Variants in CALN1 observed in about 807,000 individuals in gnomAD.
CALN1 encodes calneuron 1, also known as calcium-binding protein 8.
Under a neutral mutation model 30.6 loss-of-function variants are expected in CALN1, and 17 were observed. That is an observed-to-expected ratio of 0.56 (90% confidence interval 0.38 to 0.83). The LOEUF (loss-of-function observed/expected upper bound fraction) is 0.83, where lower values mean the gene tolerates loss of function less well. Among genes scored for constraint, CALN1 ranks in the 40% least tolerant of loss-of-function variants. The probability of loss-of-function intolerance (pLI) is 0.00; values close to 1 mark genes in which losing one functional copy is unlikely to be tolerated. For synonymous variants in CALN1, 156 were observed against 131.4 expected (o/e 1.19, Z -1.28); for missense variants, 291 against 354.9 (o/e 0.82, Z 1.45).
intron 3 of CALN1, among the ~76,000 whole-genome samples, chr7:72,122,976 G>T (rs771166462): frequency 5.9e-5 from 9 of 152,164 alleles, no homozygotes; most frequent in Non-Finnish European, 1.2e-4. Flanking sequence ...TAGCTATAGA[G>T]ACCACGGCAA....
chr7:71,808,683 T>C (rs1787762555), intron 6 of CALN1, among the ~76,000 whole-genome samples: 1 of 152,104 alleles, frequency 6.6e-6, no homozygotes, highest in Non-Finnish European at 1.5e-5. Flanking sequence ...GACATTTCCC[T>C]GAACAAAACA....
At chr7:72,184,375 C>T (rs975595150) in intron 3 of CALN1, among the ~76,000 whole-genome samples, 6 of 152,126 alleles carry the variant, frequency 3.9e-5, no homozygotes, top group African/African-American at 9.7e-5. Flanking sequence ...GTAATACTAC[C>T]CTCTCTCATG....
chr7:72,175,134 C>G (rs772890070), intron 3 of CALN1, among the ~76,000 whole-genome samples: 1 of 151,432 alleles, frequency 6.6e-6, no homozygotes, highest in African/African-American at 2.4e-5. Context: ...AGTGCAGTGG[C>G]GCAATCTCGG....
In CALN1 at chr7:71,886,405, G is replaced by A. The variant is rs566629207; in HGVS notation, c.502-75913C>T. On this transcript the variant is annotated intron_variant, in intron 5 of 6. Coordinates refer to ENST00000395275, the MANE Select transcript of CALN1 (RefSeq NM_031468.4). ...CACGCCCCCTTAGCATGTCACTCAC[G>A]TCTTTCTGTTGAAAGGAATCAGGAT... Among the ~76,000 whole-genome samples, 11 of 152,302 alleles carry A rather than the reference G, an allele frequency of 7.2e-5. No individual in the cohort carries two copies. The East Asian group carries it at 1.7e-3, about 24-fold the overall frequency.
chr7:72,187,069 T>C (rs911423589), intron 3 of CALN1, among the ~76,000 whole-genome samples: 2 of 152,064 alleles, frequency 1.3e-5, no homozygotes, highest in Admixed American at 6.6e-5. Context: ...GGAAATTTGG[T>C]AAAAGAATAT....
chr7:72,462,822 G>A, the CALN1 span, among the ~76,000 whole-genome samples: 863 of 152,282 alleles, frequency 5.7e-3, 5 homozygotes, highest in African/African-American at 0.01. Context: ...CTGCCTGCCC[G>A]AACTTGCCGG....
intron 5 of CALN1, among the ~76,000 whole-genome samples, chr7:72,007,968 C>T (rs973838253): frequency 6.6e-6 from 1 of 152,122 alleles, no homozygotes; most frequent in Non-Finnish European, 1.5e-5. Flanking sequence ...GAGAAAGTGT[C>T]AGAAACAGAA....
intron 5 of CALN1, among the ~76,000 whole-genome samples, chr7:71,861,010 G>T (rs964614967): frequency 6.6e-6 from 1 of 152,080 alleles, no homozygotes; most frequent in Non-Finnish European, 1.5e-5. Flanking sequence ...ACATGTGTGG[G>T]TCTTCAAAGA....
chr7:72,491,564 GTC>G, the CALN1 span, among the ~76,000 whole-genome samples: 1 of 152,178 alleles, frequency 6.6e-6, no homozygotes, highest in Non-Finnish European at 1.5e-5. Flanking sequence ...GTAAGACTCT[GTC>G]TCAAAAAGAG....
At chr7:72,439,542 G>T (rs1808282255) in intron 1 of CALN1, among the ~76,000 whole-genome samples, 2 of 151,654 alleles carry the variant, frequency 1.3e-5, no homozygotes, top group South Asian at 4.2e-4. Context: ...CATTAAGTGG[G>T]AGTGGATCAT....
At chr7:72,038,844 A>G (rs1801959227) in intron 4 of CALN1, among the ~76,000 whole-genome samples, 1 of 152,142 alleles carries the variant, frequency 6.6e-6, no homozygotes, top group South Asian at 2.1e-4. Context: ...GGCATAAATA[A>G]TCCACCCCTG....
At chr7:71,936,124 T>TC (rs904349282) in intron 5 of CALN1, among the ~76,000 whole-genome samples, 27 of 152,256 alleles carry the variant, frequency 1.8e-4, no homozygotes, top group African/African-American at 6.5e-4. Context: ...GAAAAAAGTT[T>TC]CCAGAAACCA....
chr7:72,350,794 AAT>A (rs893655455), intron 2 of CALN1, among the ~76,000 whole-genome samples: 57 of 152,322 alleles, frequency 3.7e-4, no homozygotes, highest in African/African-American at 1.3e-3. Flanking sequence ...GTTAAAAAAA[AAT>A]AAATAAAAAA....
At chr7:72,284,947 A>G (rs1562838554) in intron 2 of CALN1, among the ~76,000 whole-genome samples, 1 of 151,878 alleles carries the variant, frequency 6.6e-6, no homozygotes, top group Non-Finnish European at 1.5e-5. Context: ...TTTTTCCTCT[A>G]CAGTACCAAG....
At chr7:71,893,339 G>A (rs576824048) in intron 5 of CALN1, among the ~76,000 whole-genome samples, 1 of 152,282 alleles carries the variant, frequency 6.6e-6, no homozygotes, top group East Asian at 1.9e-4. Flanking sequence ...AAATGTCAAT[G>A]ATGCTGAGGT....
At position 72,403,299 on chromosome 7, in the gene CALN1, CCGAGGGCTCCTCCGTCCCCCTT is replaced by C; in HGVS notation, c.49_70del (p.Lys17GlufsTer25). The C allele has an allele frequency of 8.4e-6, 13 of 1,550,602 alleles. No individual in the cohort carries two copies. The highest frequency in any genetic ancestry group is 1.0e-5 in the Non-Finnish European group (12 of 1,147,062). On this transcript the variant is annotated frameshift_variant, in exon 2 of 7. Coordinates refer to ENST00000395275, the MANE Select transcript of CALN1 (RefSeq NM_031468.4). LOFTEE classifies it high-confidence loss of function. Reference sequence around the variant, plus strand: ...GCTCCTCGGCGGCTCCTCTCCCCCTCCGAGGGCTCCTCCGTCCCCCTTTTTCTCATTCTCGGGCTTCCCCTCT... The same window carrying C: ...GCTCCTCGGCGGCTCCTCTCCCCCTCTTTCTCATTCTCGGGCTTCCCCTCT...
In CALN1 at chr7:72,338,525, G is replaced by GTGTGTGTGTGTGTGTC; in HGVS notation, c.120-59716_120-59715insGACACACACACACACA. Among the ~76,000 whole-genome samples, 295 of 122,302 alleles carry GTGTGTGTGTGTGTGTC rather than the reference G, an allele frequency of 2.4e-3. 8 individuals are homozygous for GTGTGTGTGTGTGTGTC. The highest frequency in any genetic ancestry group is 6.3e-3 in the African/African-American group (203 of 32,054). The allele number at this position is 122,302 out of a possible 152,430, so 80.2% of individuals were successfully genotyped here. A position where few individuals can be genotyped will look rare whatever the true frequency, so the allele number is the denominator to read the frequency against. On this transcript the variant is annotated intron_variant, in intron 2 of 6. Coordinates refer to ENST00000395275, the MANE Select transcript of CALN1 (RefSeq NM_031468.4). ...TGTGTGTGTGTGTGTGTGTGTGTGT[G>GTGTGTGTGTGTGTGTC]TGTCTCACCTGGGTGTGGTTTCAGA...
chr7:72,248,422 A>G (rs1186071208), intron 3 of CALN1, among the ~76,000 whole-genome samples: 1 of 152,110 alleles, frequency 6.6e-6, no homozygotes, highest in East Asian at 1.9e-4. Flanking sequence ...TCACTTCCAG[A>G]GGTGGCCTGC....
intron 4 of CALN1, 52 bp downstream of exon 4, chr7:72,106,099 C>G: frequency 6.3e-7 from 1 of 1,588,940 alleles, no homozygotes; most frequent in East Asian, 2.3e-5. Flanking sequence ...GAAGGTCTCA[C>G]TGATGAGACC....
Sources: allele counts gnomAD v4.1 joint callset (sites outside exome capture counted in the v4.1 genomes callset), GRCh38; gene constraint gnomAD v4.1.1; transcripts MANE v1.5; gene names NCBI Gene and HGNC (gene_info 2026-07-23, HGNC 2026-07-21).